Variants in MARCHF1 observed in about 807,000 individuals in gnomAD.
The protein encoded by MARCHF1 is E3 ubiquitin-protein ligase MARCHF1.
MARCHF1 carries 40 observed loss-of-function variants against 54.2 expected under a neutral mutation model. That is an observed-to-expected ratio of 0.74 (90% CI 0.57 to 0.96). The LOEUF is 0.96. Among genes scored for constraint, MARCHF1 ranks in the 40% least tolerant of loss-of-function variants. The pLI is 0.00. For synonymous variants in MARCHF1, 236 were observed against 236.3 expected, an observed-to-expected ratio of 1.00 and a Z score of 0.01; for missense variants, 586 against 656.5, an observed-to-expected ratio of 0.89 and a Z score of 1.17.
chr4:163,925,371 C>A (rs1751515116), intron 3 of MARCHF1, among the ~76,000 whole-genome samples: 1 of 151,790 alleles, frequency 6.6e-6, no homozygotes, highest in Non-Finnish European at 1.5e-5. Context: ...CAACTCAATA[C>A]CTGAATGTAC....
At chr4:163,540,100 C>T (rs1738673247) in intron 9 of MARCHF1, among the ~76,000 whole-genome samples, 1 of 152,140 alleles carries the variant, frequency 6.6e-6, no homozygotes, top group Non-Finnish European at 1.5e-5. Context: ...TTGCTTATTT[C>T]CTCATCTATA....
chr4:164,229,445 G>A (rs1001437328), intron 1 of MARCHF1, among the ~76,000 whole-genome samples: 35 of 152,106 alleles, frequency 2.3e-4, no homozygotes, highest in African/African-American at 8.5e-4. Context: ...TGAGGCCTTT[G>A]GCCAATAGTC....
intron 1 of MARCHF1, among the ~76,000 whole-genome samples, chr4:164,322,047 C>T (rs879744928): frequency 3.3e-5 from 5 of 151,874 alleles, no homozygotes; most frequent in African/African-American, 9.7e-5. Context: ...CCCAGGAATA[C>T]AAAGAGAAGT....
chr4:164,348,127 A>C (rs1485673659), intron 1 of MARCHF1, among the ~76,000 whole-genome samples: 1 of 152,162 alleles, frequency 6.6e-6, no homozygotes, highest in Non-Finnish European at 1.5e-5. Context: ...CAGATGAAAA[A>C]GAGAGAGATA....
chr4:163,848,784 A>G (rs983352850), intron 4 of MARCHF1, among the ~76,000 whole-genome samples: 1 of 152,174 alleles, frequency 6.6e-6, no homozygotes, highest in Non-Finnish European at 1.5e-5. Flanking sequence ...CAAGGTTATT[A>G]TTCATTATGA....
At chr4:163,944,392 C>A (rs575576814) in intron 3 of MARCHF1, among the ~76,000 whole-genome samples, 7 of 152,320 alleles carry the variant, frequency 4.6e-5, no homozygotes, top group African/African-American at 1.7e-4. Flanking sequence ...CAGAAAGCTG[C>A]TTCACCTGAT....
At chr4:164,167,372 A>G (rs1730409386) in intron 1 of MARCHF1, among the ~76,000 whole-genome samples, 1 of 151,882 alleles carries the variant, frequency 6.6e-6, no homozygotes, top group African/African-American at 2.4e-5. Context: ...CAACATGCAG[A>G]ATTAACACAA....
At chr4:163,919,393 C>G (rs545985314) in intron 3 of MARCHF1, among the ~76,000 whole-genome samples, 1 of 151,878 alleles carries the variant, frequency 6.6e-6, no homozygotes, top group African/African-American at 2.4e-5. Flanking sequence ...AAATGGAACA[C>G]TTGAAATATT....
At chr4:163,736,943 A>G (rs2111344985) in intron 4 of MARCHF1, among the ~76,000 whole-genome samples, 1 of 152,156 alleles carries the variant, frequency 6.6e-6, no homozygotes, top group South Asian at 2.1e-4. Context: ...TGAAAAGCCT[A>G]ATAAATTTAT....
At chr4:164,216,090 T>C (rs1347818065) in intron 1 of MARCHF1, among the ~76,000 whole-genome samples, 3 of 152,158 alleles carry the variant, frequency 2.0e-5, no homozygotes, top group Admixed American at 1.3e-4. Context: ...TTCCCAATAA[T>C]AGAACAAACC....
chr4:163,585,892 T>C lies in MARCHF1; in HGVS notation c.1048A>G (p.Ile350Val), dbSNP rs1740395011. ...HCEGDEESPL[I>V]TPCRCTGTLR... is the part of the protein sequence containing the mutation. Reference sequence around the variant, plus strand: ...GTCCCAGTGCAGCGACAGGGTGTGATGAGGGGGCTCTCTTCATCCCCTTCG... The same window carrying C: ...GTCCCAGTGCAGCGACAGGGTGTGACGAGGGGGCTCTCTTCATCCCCTTCG... The change falls in exon 8 of 10, where the codon ATC (isoleucine) becomes GTC (valine). Residue 350 changes from isoleucine (I) to valine (V), a missense_variant. This residue lies in a region of MARCHF1 where 93 missense variants were observed against 168.2 expected (regional missense o/e 0.55). Coordinates refer to ENST00000514618, the MANE Select transcript of MARCHF1 (RefSeq NM_001394959.1). 6.2e-7 allele frequency: 1 copy of C among 1,613,022 alleles called. No individual in the cohort carries two copies. The highest frequency in any genetic ancestry group is 1.1e-5 in the South Asian group (1 of 90,968).
intron 1 of MARCHF1, among the ~76,000 whole-genome samples, chr4:164,291,410 T>C (rs1451083117): frequency 3.9e-5 from 6 of 152,054 alleles, no homozygotes; most frequent in African/African-American, 1.4e-4. Context: ...AACAAAATTA[T>C]CTCATTTGTA....
chr4:164,246,399 T>A lies in MARCHF1; in HGVS notation c.-322-134737A>T, dbSNP rs1331680426. Among the ~76,000 whole-genome samples, 14 of 48,406 alleles carry A rather than the reference T, an allele frequency of 2.9e-4. 4 individuals carry two copies. Among genetic ancestry groups the A allele is most frequent in the African/African-American group, 7.3e-4 (14 of 19,128 alleles). The allele number at this position is 48,406 out of a possible 152,430, so 31.8% of individuals were successfully genotyped here. A position where few individuals can be genotyped will look rare whatever the true frequency, so the allele number is the denominator to read the frequency against. ...GTGCTGGGAAAACTGGCTAGCCATATGTAGAAAGCTGAAACTGGATCCCTT... is the reference window on the plus strand; with the variant it reads ...GTGCTGGGAAAACTGGCTAGCCATAAGTAGAAAGCTGAAACTGGATCCCTT... On this transcript the variant is annotated intron_variant, in intron 1 of 9. Coordinates refer to ENST00000514618, the MANE Select transcript of MARCHF1 (RefSeq NM_001394959.1).
At chr4:164,145,185 T>C (rs1423738630) in intron 1 of MARCHF1, among the ~76,000 whole-genome samples, 1 of 151,980 alleles carries the variant, frequency 6.6e-6, no homozygotes, top group African/African-American at 2.4e-5. Flanking sequence ...AATCAATAGC[T>C]TACCAACCAA....
intron 9 of MARCHF1, among the ~76,000 whole-genome samples, chr4:163,535,124 G>A (rs1204281596): frequency 2.0e-5 from 3 of 151,790 alleles, no homozygotes; most frequent in East Asian, 1.9e-4. Context: ...TCACAGTATC[G>A]TTCATAACGA....
chr4:163,590,675 C>G (rs373227996), intron 7 of MARCHF1, among the ~76,000 whole-genome samples: 2 of 152,086 alleles, frequency 1.3e-5, no homozygotes, highest in African/African-American at 4.8e-5. Context: ...CTCTGACATA[C>G]AACCACAGTG....
chr4:163,970,967 C>A (rs1328222345), intron 3 of MARCHF1, among the ~76,000 whole-genome samples: 1 of 152,068 alleles, frequency 6.6e-6, no homozygotes, highest in Non-Finnish European at 1.5e-5. Flanking sequence ...GGCACAATAC[C>A]CCCGGTAATT....
chr4:163,582,060 A>G (rs1023096062), intron 8 of MARCHF1, among the ~76,000 whole-genome samples: 2 of 152,202 alleles, frequency 1.3e-5, no homozygotes, highest in African/African-American at 4.8e-5. Context: ...TTCATATTTA[A>G]CAGTTGGTTT....
chr4:164,025,976 A>G (rs769036138), intron 2 of MARCHF1, among the ~76,000 whole-genome samples: 10 of 152,130 alleles, frequency 6.6e-5, no homozygotes, highest in Non-Finnish European at 1.5e-4. Flanking sequence ...TACAGAGGAT[A>G]TGGATAAATT....
Sources: allele counts gnomAD v4.1 joint callset (sites outside exome capture counted in the v4.1 genomes callset), GRCh38; gene constraint gnomAD v4.1.1; regional missense constraint gnomAD v4.1.1; transcripts MANE v1.5; gene names NCBI Gene and HGNC (gene_info 2026-07-23, HGNC 2026-07-21).